SEC31A: variants seen among roughly 807,000 people sequenced by gnomAD.
SEC31A encodes the protein protein transport protein Sec31A.
SEC31A carries 70 observed loss-of-function variants against 151.0 expected under a neutral mutation model. The observed-to-expected ratio is 0.46, with a 90% CI of 0.38 to 0.57. The LOEUF is 0.57. Among genes scored for constraint, SEC31A ranks in the 20% least tolerant of loss-of-function variants. The probability of loss-of-function intolerance (pLI) is 0.00; values close to 1 mark genes in which losing one functional copy is unlikely to be tolerated. For missense variants in SEC31A, 1,330 were observed against 1,471.2 expected (o/e 0.90, Z 1.57); for synonymous variants, 475 against 505.9 (o/e 0.94, Z 0.82).
intron 19 of SEC31A, among the ~76,000 whole-genome samples, 172 bp downstream of exon 19, chr4:82,851,259 T>C (rs1731390086): frequency 6.6e-6 from 1 of 152,212 alleles, no homozygotes; most frequent in African/African-American, 2.4e-5. Context: ...ACAGCTTAGA[T>C]ACACCTAAAA....
intron 22 of SEC31A, among the ~76,000 whole-genome samples, chr4:82,840,075 T>G (rs1474344388): frequency 6.6e-6 from 1 of 152,234 alleles, no homozygotes; most frequent in Non-Finnish European, 1.5e-5. Flanking sequence ...GGACCTGGTT[T>G]ATATCTCAAC....
At chr4:82,824,365 A>G (rs1724071003) in intron 25 of SEC31A, among the ~76,000 whole-genome samples, 190 bp downstream of exon 25, 1 of 152,008 alleles carries the variant, frequency 6.6e-6, no homozygotes, top group Non-Finnish European at 1.5e-5. Context: ...CACCACACAC[A>G]GCTAATTTTT....
intron 1 of SEC31A, among the ~76,000 whole-genome samples, chr4:82,889,568 GA>G (rs1329091254): frequency 5.5e-4 from 78 of 141,054 alleles, no homozygotes; most frequent in African/African-American, 1.5e-3. Context: ...AAAAGTAAAA[GA>G]AAAAAAAAGA....
chr4:82,830,616 C>T (rs1226766230), intron 22 of SEC31A, among the ~76,000 whole-genome samples: 1 of 152,204 alleles, frequency 6.6e-6, no homozygotes, highest in African/African-American at 2.4e-5. Flanking sequence ...TCTTAAACTT[C>T]TGGTTCTACA....
At chr4:82,851,185 T>A (rs1189821066) in intron 19 of SEC31A, among the ~76,000 whole-genome samples, 1 of 152,240 alleles carries the variant, frequency 6.6e-6, no homozygotes, top group Non-Finnish European at 1.5e-5. Flanking sequence ...CTGTTCATTT[T>A]CCTAAAATAC....
chr4:82,867,491 TTA>T (rs1735660508), intron 8 of SEC31A, among the ~76,000 whole-genome samples, 175 bp from the exon 9 acceptor site: 1 of 152,204 alleles, frequency 6.6e-6, no homozygotes. Context: ...GAATGATCCA[TTA>T]CGATGACCTA....
chr4:82,891,361 A>G, upstream of SEC31A: 2 of 626,750 alleles, frequency 3.2e-6, no homozygotes, highest in South Asian at 2.0e-5. Flanking sequence ...CTCTGCGGTC[A>G]TCGCGCCCCG....
intron 24 of SEC31A, among the ~76,000 whole-genome samples, chr4:82,825,265 A>T (rs1055208619): frequency 1.3e-5 from 2 of 152,224 alleles, no homozygotes; most frequent in Admixed American, 6.5e-5. Context: ...ATATTAGGCA[A>T]CTATTTACCA....
Position 82,866,986 on chromosome 4 carries a change from C to A in SEC31A, c.1045-26G>T, listed in dbSNP as rs2290739. 1,240,049 of 1,600,058 alleles carry A rather than the reference C, an allele frequency of 0.78. 482,644 individuals carry two copies. The highest frequency in any genetic ancestry group is 0.82 in the Admixed American group (45,883 of 56,156). ...CTAAAAAAGATAATAATAACATAAG[C>A]ATCCGACCATACACAAAGTTTCATT... On this transcript the variant is annotated intron_variant, in intron 9 of 26. Coordinates refer to ENST00000395310, the MANE Select transcript of SEC31A (RefSeq NM_001077207.4).
intron 10 of SEC31A, 49 bp from the exon 11 acceptor site, chr4:82,864,647 C>A: frequency 1.3e-6 from 2 of 1,497,718 alleles, no homozygotes; most frequent in South Asian, 1.2e-5. Context: ...AGGATATGGC[C>A]AAAAAAAGTG....
At chr4:82,832,550 T>C (rs956282771) in intron 22 of SEC31A, among the ~76,000 whole-genome samples, 1 of 152,076 alleles carries the variant, frequency 6.6e-6, no homozygotes, top group Non-Finnish European at 1.5e-5. Flanking sequence ...AAAGCCAAAA[T>C]TGACAAATGG....
upstream of SEC31A, chr4:82,895,347 C>G (rs1237812050): frequency 6.6e-6 from 1 of 152,122 alleles, no homozygotes; most frequent in African/African-American, 2.4e-5. Context: ...GCATGCGCCT[C>G]TAATCCCAGC....
intron 10 of SEC31A, among the ~76,000 whole-genome samples, chr4:82,865,524 A>C (rs1224207474): frequency 6.8e-6 from 1 of 147,584 alleles, no homozygotes; most frequent in East Asian, 2.0e-4. Context: ...TGAATGGATA[A>C]AAAAAAATGT....
intron 24 of SEC31A, among the ~76,000 whole-genome samples, chr4:82,826,219 C>CT (rs1300340379): frequency 3.3e-5 from 5 of 151,860 alleles, no homozygotes; most frequent in Non-Finnish European, 7.4e-5. Flanking sequence ...GGCTTATAAT[C>CT]TTTTTTATTT....
At chr4:82,844,273 T>A in intron 21 of SEC31A, 113 bp downstream of exon 21, 1 of 1,163,018 alleles carries the variant, frequency 8.6e-7, no homozygotes, top group East Asian at 2.4e-5. Flanking sequence ...AGGAATCCTA[T>A]GCACAATGGT....
At chr4:82,877,235 AAAC>A (rs780700325) in intron 4 of SEC31A, among the ~76,000 whole-genome samples, 5 of 152,154 alleles carry the variant, frequency 3.3e-5, no homozygotes, top group Non-Finnish European at 5.9e-5. Flanking sequence ...AAAAAACAAA[AAAC>A]AACAACAAAA....
chr4:82,880,926 T>G lies in SEC31A; in HGVS notation c.80-4A>C, dbSNP rs765212309. The G allele has an allele frequency of 6.3e-7, 1 of 1,597,170 alleles. No individual in the cohort carries two copies. Among genetic ancestry groups the G allele is most frequent in the Non-Finnish European group, 8.5e-7 (1 of 1,170,990 alleles). Reference sequence around the variant, plus strand: ...TCCAATTGCTGAGCAGATGTTCCTATAGAAAATATATTTATGGTAACTATA... The same window carrying G: ...TCCAATTGCTGAGCAGATGTTCCTAGAGAAAATATATTTATGGTAACTATA... On this transcript the variant is annotated splice_polypyrimidine_tract_variant and splice_region_variant and intron_variant, in intron 2 of 26. Coordinates refer to ENST00000395310, the MANE Select transcript of SEC31A (RefSeq NM_001077207.4).
At chr4:82,834,316 T>C (rs997921357) in intron 22 of SEC31A, among the ~76,000 whole-genome samples, 3 of 152,170 alleles carry the variant, frequency 2.0e-5, no homozygotes, top group Admixed American at 1.3e-4. Context: ...CAAAACAACA[T>C]GTCCTCTTCC....
At chr4:82,842,851 G>A (rs530387541) in intron 21 of SEC31A, 266 of 179,532 alleles carry the variant, frequency 1.5e-3, no homozygotes, top group Non-Finnish European at 2.5e-3. Context: ...CCACTTCACA[G>A]AAAAAGTTAC....
Sources: allele counts gnomAD v4.1 joint callset (sites outside exome capture counted in the v4.1 genomes callset), GRCh38; gene constraint gnomAD v4.1.1; transcripts MANE v1.5; gene names NCBI Gene and HGNC (gene_info 2026-07-23, HGNC 2026-07-21).